CPQ: variants seen among roughly 807,000 people sequenced by gnomAD.
CPQ encodes Ser-Met dipeptidase.
In CPQ, 37 loss-of-function variants were observed where a neutral mutation model predicts 45.7. The observed-to-expected ratio is 0.81, with a 90% CI of 0.62 to 1.07. The LOEUF (loss-of-function observed/expected upper bound fraction) is 1.07. CPQ is among the 50% of genes least tolerant of loss of function. The pLI, the probability that CPQ is intolerant of heterozygous loss-of-function variation, is 0.00. For missense variants in CPQ, 537 were observed against 572.9 expected (o/e 0.94, Z 0.64); for synonymous variants, 186 against 205.8 (o/e 0.90, Z 0.82).
At chr8:97,044,991 T>C (rs1810211792) in intron 6 of CPQ, among the ~76,000 whole-genome samples, 1 of 152,200 alleles carries the variant, frequency 6.6e-6, no homozygotes, top group African/African-American at 2.4e-5. Context: ...AGCTGCGTGC[T>C]GGGAGAACCA....
At chr8:96,929,468 G>C (rs990697276) in intron 4 of CPQ, among the ~76,000 whole-genome samples, 1 of 152,102 alleles carries the variant, frequency 6.6e-6, no homozygotes, top group African/African-American at 2.4e-5. Flanking sequence ...TTTCTAATAT[G>C]CTCCCTCAAT....
chr8:96,830,560 A>G (rs2130845256), intron 2 of CPQ, among the ~76,000 whole-genome samples: 1 of 152,246 alleles, frequency 6.6e-6, no homozygotes, highest in Non-Finnish European at 1.5e-5. Flanking sequence ...TTTTTGTGAT[A>G]TAATAGACTA....
At chr8:96,989,199 C>T (rs1265323396) in intron 5 of CPQ, among the ~76,000 whole-genome samples, 2 of 151,986 alleles carry the variant, frequency 1.3e-5, no homozygotes, top group African/African-American at 4.8e-5. Flanking sequence ...ACCAAAGTGA[C>T]CATTAAGTTC....
At chr8:96,947,553 G>A (rs1160056205) in intron 4 of CPQ, among the ~76,000 whole-genome samples, 1 of 151,916 alleles carries the variant, frequency 6.6e-6, no homozygotes, top group Non-Finnish European at 1.5e-5. Flanking sequence ...GTGGCCTTTT[G>A]TGGTTCCATA....
At chr8:96,731,506 C>T (rs1410503788) in intron 1 of CPQ, among the ~76,000 whole-genome samples, 1 of 152,092 alleles carries the variant, frequency 6.6e-6, no homozygotes, top group Non-Finnish European at 1.5e-5. Context: ...TCCTGATTGA[C>T]TTGCAGCATC....
At chr8:96,857,132 G>T (rs1329875427) in intron 3 of CPQ, among the ~76,000 whole-genome samples, 1 of 152,190 alleles carries the variant, frequency 6.6e-6, no homozygotes, top group Admixed American at 6.5e-5. Flanking sequence ...TTGCTAATAG[G>T]CATGGGTAGC....
chr8:97,017,004 G>A (rs1265169430), intron 5 of CPQ, among the ~76,000 whole-genome samples: 1 of 152,164 alleles, frequency 6.6e-6, no homozygotes, highest in Admixed American at 6.6e-5. Context: ...GGAAAGCCAA[G>A]AGAACCCATA....
chr8:96,648,207 C>T (rs1815539122), intron 1 of CPQ, among the ~76,000 whole-genome samples: 1 of 152,018 alleles, frequency 6.6e-6, no homozygotes, highest in Non-Finnish European at 1.5e-5. Context: ...GCCTGAAAAA[C>T]TAAGAGCTGA....
intron 3 of CPQ, among the ~76,000 whole-genome samples, chr8:96,877,094 T>A (rs1361929248): frequency 6.6e-6 from 1 of 152,190 alleles, no homozygotes; most frequent in South Asian, 2.1e-4. Flanking sequence ...GGCTTGTAAA[T>A]GGGGACAGGA....
chr8:97,112,986 C>G (rs986656301), intron 7 of CPQ, among the ~76,000 whole-genome samples: 1 of 152,146 alleles, frequency 6.6e-6, no homozygotes, highest in Non-Finnish European at 1.5e-5. Context: ...GAGGCCTGGA[C>G]CATTGGGGTC....
intron 4 of CPQ, among the ~76,000 whole-genome samples, chr8:96,915,818 G>C (rs1812725648): frequency 6.6e-6 from 1 of 152,102 alleles, no homozygotes; most frequent in Admixed American, 6.6e-5. Context: ...CCCAGAATCT[G>C]CCTCCTCTTT....
intron 2 of CPQ, among the ~76,000 whole-genome samples, chr8:96,801,358 T>G (rs1811006115): frequency 6.6e-6 from 1 of 152,194 alleles, no homozygotes; most frequent in Non-Finnish European, 1.5e-5. Flanking sequence ...ATTACTTACT[T>G]CAAGCATAAA....
intron 1 of CPQ, among the ~76,000 whole-genome samples, chr8:96,684,019 C>CT (rs1809189843): frequency 6.6e-6 from 1 of 151,976 alleles, no homozygotes; most frequent in Admixed American, 6.6e-5. Flanking sequence ...CTCTGGAATT[C>CT]TTTTTTAGGC....
chr8:96,838,114 A>G (rs1811555125), intron 3 of CPQ, among the ~76,000 whole-genome samples: 1 of 152,186 alleles, frequency 6.6e-6, no homozygotes, highest in Non-Finnish European at 1.5e-5. Context: ...CTTGTAGCCC[A>G]GGTGAGTTAC....
At chr8:96,703,328 C>G (rs1322264189) in intron 1 of CPQ, among the ~76,000 whole-genome samples, 1 of 152,090 alleles carries the variant, frequency 6.6e-6, no homozygotes, top group Non-Finnish European at 1.5e-5. Flanking sequence ...CTAAGAAATA[C>G]CACTATATAT....
At chr8:97,002,671 C>T (rs919080237) in intron 5 of CPQ, among the ~76,000 whole-genome samples, 3 of 151,848 alleles carry the variant, frequency 2.0e-5, no homozygotes, top group African/African-American at 7.2e-5. Context: ...GAGTGTTTTA[C>T]TTTATGTGAT....
intron 4 of CPQ, among the ~76,000 whole-genome samples, chr8:96,939,729 T>C (rs1813100951): frequency 6.6e-6 from 1 of 152,194 alleles, no homozygotes. Context: ...GATGGACTTT[T>C]GGGTCATTTC....
At chr8:96,854,517 C>T (rs1259351340) in intron 3 of CPQ, among the ~76,000 whole-genome samples, 7 of 44,222 alleles carry the variant, frequency 1.6e-4, no homozygotes, top group African/African-American at 2.9e-4. Flanking sequence ...GGCGACAGAG[C>T]GAGACTCCGT....
chr8:96,678,252 T>G (rs1809100928), intron 1 of CPQ, among the ~76,000 whole-genome samples: 1 of 152,206 alleles, frequency 6.6e-6, no homozygotes, highest in African/African-American at 2.4e-5. Flanking sequence ...ATCCGTATAT[T>G]GCTTTGGGCA....
Sources: allele counts gnomAD v4.1 joint callset (sites outside exome capture counted in the v4.1 genomes callset), GRCh38; gene constraint gnomAD v4.1.1; transcripts MANE v1.5; gene names NCBI Gene and HGNC (gene_info 2026-07-23, HGNC 2026-07-21).